Variants in CEMIP observed in about 807,000 individuals in gnomAD.
CEMIP encodes cell migration-inducing and hyaluronan-binding protein.
Under a neutral mutation model 156.9 loss-of-function variants are expected in CEMIP, and 105 were observed. The ratio of observed to expected loss-of-function variants is 0.67; its 90% CI spans 0.57 to 0.79. The LOEUF (loss-of-function observed/expected upper bound fraction) is 0.79. Among genes scored for constraint, CEMIP ranks in the 30% least tolerant of loss-of-function variants. CEMIP has a pLI of 0.00. For synonymous variants in CEMIP, 676 were observed against 668.4 expected (o/e 1.01, Z -0.17); for missense variants, 1,457 against 1,769.4 (o/e 0.82, Z 3.17).
At chr15:80,860,656 C>T (rs567499246) in intron 1 of CEMIP, among the ~76,000 whole-genome samples, 2 of 152,316 alleles carry the variant, frequency 1.3e-5, no homozygotes, top group East Asian at 3.9e-4. Flanking sequence ...AGAAAGGCAT[C>T]GTTTCTACAG....
chr15:80,887,467 C>A (rs748424955), intron 7 of CEMIP, among the ~76,000 whole-genome samples: 1 of 152,178 alleles, frequency 6.6e-6, no homozygotes, highest in Admixed American at 6.5e-5. Flanking sequence ...TCACAGGGAG[C>A]AAACATCAGG....
intron 1 of CEMIP, among the ~76,000 whole-genome samples, chr15:80,841,565 CA>C (rs1403673416): frequency 3.3e-5 from 5 of 152,198 alleles, no homozygotes; most frequent in African/African-American, 4.8e-5. Flanking sequence ...CAGGCACTTC[CA>C]CTTGCCCTTA....
chr15:80,947,714 T>C (rs1283471310), intron 29 of CEMIP: 4 of 153,948 alleles, frequency 2.6e-5, no homozygotes, highest in Non-Finnish European at 1.4e-5. Flanking sequence ...CGGGCAATAA[T>C]GATAATGATC....
chr15:80,933,506 G>C (rs1233070231), intron 23 of CEMIP, 46 bp downstream of exon 23: 4 of 1,455,562 alleles, frequency 2.7e-6, no homozygotes, highest in Non-Finnish European at 3.9e-6. Context: ...ATTCACTCAT[G>C]CAACAAGCAT....
Position 80,896,041 on chromosome 15 carries a change from C to T in CEMIP, c.1392C>T (p.Pro464=), listed in dbSNP as rs1322447297. The T allele has an allele frequency of 6.2e-7, 1 of 1,614,078 alleles. No homozygotes were observed. The highest frequency in any genetic ancestry group is 8.5e-7 in the Non-Finnish European group (1 of 1,180,026). The stretch of plus-strand genomic sequence containing the variant: ...TGCTTCCCTGCAGATCCTGCGCCCC[C>T]AACCAGGTCAAAGTGGCAGGTAGGA... The part of the protein sequence containing the change: ...FQVLPCRSCA[P]NQVKVAGKPM... The change falls in exon 12 of 30, where the codon CCC becomes CCT. Residue 464 remains proline (P), a synonymous_variant. Coordinates refer to ENST00000394685, the MANE Select transcript of CEMIP (RefSeq NM_001293298.2).
Position 80,813,045 on chromosome 15 carries a change from TGC to T in CEMIP, c.-176+33432_-176+33433del, listed in dbSNP as rs1896706843. Among the ~76,000 whole-genome samples, 4 of 152,220 alleles carry T rather than the reference TGC, an allele frequency of 2.6e-5. No homozygotes were observed. In the South Asian group the frequency reaches 8.3e-4, roughly 32 times the overall value. On this transcript the variant is annotated intron_variant, in intron 1 of 29. Coordinates refer to ENST00000394685, the MANE Select transcript of CEMIP (RefSeq NM_001293298.2). ...TCATTGCCATGTTTTCCCTTTACAA[TGC>T]ATGATTAATTTTAATTTTTCTAATG...
At chr15:80,899,602 G>C (rs1268789912) in intron 12 of CEMIP, among the ~76,000 whole-genome samples, 1 of 152,168 alleles carries the variant, frequency 6.6e-6, no homozygotes, top group Non-Finnish European at 1.5e-5. Context: ...CAGCTACCAA[G>C]AGGCCGGAGT....
intron 1 of CEMIP, among the ~76,000 whole-genome samples, chr15:80,780,856 T>C (rs577002241): frequency 1.1e-4 from 17 of 152,230 alleles, no homozygotes; most frequent in African/African-American, 4.1e-4. Context: ...TGCGCTTTCT[T>C]CCCAGACCCA....
Position 80,895,140 on chromosome 15 carries a change from G to T in CEMIP, c.1219+18G>T. On this transcript the variant is annotated intron_variant, in intron 11 of 29. Coordinates refer to ENST00000394685, the MANE Select transcript of CEMIP (RefSeq NM_001293298.2). ...GAAGCCTGGTAAGCAGCCCCTTGTC[G>T]GGGACACAGATGCAACTATGGCTCG... is the stretch of plus-strand genomic sequence containing the variant. The T allele has an allele frequency of 1.9e-6, 3 of 1,613,954 alleles. No individual in the cohort carries two copies. The East Asian group carries it at 6.7e-5, about 36-fold the overall frequency.
intron 14 of CEMIP, among the ~76,000 whole-genome samples, chr15:80,919,360 C>T (rs1384611444): frequency 1.3e-5 from 2 of 152,212 alleles, no homozygotes; most frequent in African/African-American, 4.8e-5. Context: ...AGTCCTTGTA[C>T]ACAGGGCACT....
chr15:80,845,697 C>A (rs534121443), intron 1 of CEMIP, among the ~76,000 whole-genome samples: 1 of 152,290 alleles, frequency 6.6e-6, no homozygotes, highest in East Asian at 1.9e-4. Flanking sequence ...GGCATTCCAG[C>A]CTTTAACCTT....
At chr15:80,945,653 A>G (rs1264924201) in intron 28 of CEMIP, among the ~76,000 whole-genome samples, 1 of 152,188 alleles carries the variant, frequency 6.6e-6, no homozygotes, top group Non-Finnish European at 1.5e-5. Context: ...CGCTGTTCCC[A>G]GTGGGACACA....
chr15:80,830,600 G>T (rs1035276896), intron 1 of CEMIP, among the ~76,000 whole-genome samples: 1 of 152,228 alleles, frequency 6.6e-6, no homozygotes, highest in African/African-American at 2.4e-5. Flanking sequence ...GTTGCCGGGG[G>T]ATGAACGTCT....
chr15:80,889,391 G>A, intron 9 of CEMIP, 80 bp from the exon 10 acceptor site: 1 of 1,597,622 alleles, frequency 6.3e-7, no homozygotes, highest in Non-Finnish European at 8.6e-7. Context: ...TGGTGCTGAG[G>A]ATGCTTGGAG....
chr15:80,857,013 G>A (rs1358627560), intron 1 of CEMIP, among the ~76,000 whole-genome samples: 1 of 152,190 alleles, frequency 6.6e-6, no homozygotes, highest in East Asian at 1.9e-4. Flanking sequence ...TAGGAAACCA[G>A]AGTGGTTTCT....
At chr15:80,899,315 C>T (rs956412204) in intron 12 of CEMIP, among the ~76,000 whole-genome samples, 6 of 152,122 alleles carry the variant, frequency 3.9e-5, no homozygotes, top group Non-Finnish European at 8.8e-5. Context: ...TAGATGCATT[C>T]CCTGTCCTCA....
At chr15:80,875,864 A>G (rs947878624) in intron 3 of CEMIP, among the ~76,000 whole-genome samples, 29 of 152,114 alleles carry the variant, frequency 1.9e-4, no homozygotes, top group African/African-American at 7.0e-4. Flanking sequence ...CTCCAAAAAA[A>G]GGAGTGTCCA....
intron 1 of CEMIP, among the ~76,000 whole-genome samples, chr15:80,819,427 G>T (rs1376899384): frequency 2.0e-5 from 3 of 152,170 alleles, no homozygotes; most frequent in Admixed American, 2.0e-4. Flanking sequence ...GCTTATGTTT[G>T]CTTTAATCAG....
chr15:80,831,801 G>C (rs75048737), intron 1 of CEMIP, among the ~76,000 whole-genome samples: 3,735 of 152,262 alleles, frequency 0.025, 158 homozygotes, highest in African/African-American at 0.085. Context: ...GTCACAGCTT[G>C]TTGTCTTTCT....
Sources: allele counts gnomAD v4.1 joint callset (sites outside exome capture counted in the v4.1 genomes callset), GRCh38; gene constraint gnomAD v4.1.1; transcripts MANE v1.5; gene names NCBI Gene and HGNC (gene_info 2026-07-23, HGNC 2026-07-21).